ZEB1: variants seen among roughly 807,000 people sequenced by gnomAD.
ZEB1 encodes zinc finger E-box-binding homeobox 1.
A neutral mutation model predicts 84.9 loss-of-function variants in ZEB1; 21 were observed. That is an observed-to-expected ratio of 0.25 (90% CI 0.18 to 0.36). The LOEUF (loss-of-function observed/expected upper bound fraction) is 0.36. ZEB1 is among the 10% of genes least tolerant of loss of function. The probability of loss-of-function intolerance (pLI) is 1.00; values close to 1 mark genes in which losing one functional copy is unlikely to be tolerated. For synonymous variants in ZEB1, 420 were observed against 471.1 expected (o/e 0.89, Z 1.41); for missense variants, 1,104 against 1,330.2 (o/e 0.83, Z 2.65).
intron 1 of ZEB1, among the ~76,000 whole-genome samples, chr10:31,452,742 TGAGAGAGAGAGA>T (rs35403055): frequency 1.1e-4 from 10 of 90,808 alleles, no homozygotes; most frequent in East Asian, 6.8e-4. Context: ...TGTGTGTGTG[TGAGAGAGAGAGA>T]GAGAGAGAGA....
intron 1 of ZEB1, among the ~76,000 whole-genome samples, chr10:31,394,192 G>A (rs1472090844): frequency 6.6e-6 from 1 of 152,172 alleles, no homozygotes; most frequent in Non-Finnish European, 1.5e-5. Flanking sequence ...AGGCAAGGTG[G>A]TGTTTTGAGC....
chr10:31,334,737 T>C (rs1236137743), intron 1 of ZEB1, among the ~76,000 whole-genome samples: 1 of 152,100 alleles, frequency 6.6e-6, no homozygotes, highest in Admixed American at 6.6e-5. Context: ...AATGGGAATG[T>C]TACTACAGGT....
rs2063544767 is a variant in ZEB1, at chr10:31,473,257, G to A, written c.259+12020G>A. On this transcript the variant is annotated intron_variant, in intron 2 of 8. Transcript: ENST00000424869. Reference sequence around the variant, plus strand: ...TAAAGGGTATTCAATTAGGAAAAGAGGAAGTCAAATTGTCCCTGTTTGCAG... The same window carrying A: ...TAAAGGGTATTCAATTAGGAAAAGAAGAAGTCAAATTGTCCCTGTTTGCAG... 2.0e-5 allele frequency among the ~76,000 whole-genome samples: 3 copies of A among 149,904 alleles called. No homozygotes were observed. In the South Asian group the frequency reaches 6.3e-4, roughly 32 times the overall value.
chr10:31,455,512 A>G (rs1170931410), intron 1 of ZEB1, among the ~76,000 whole-genome samples: 1 of 152,230 alleles, frequency 6.6e-6, no homozygotes, highest in African/African-American at 2.4e-5. Flanking sequence ...CAATCTATCC[A>G]TCTGACAAAG....
At chr10:31,392,204 T>C (rs1291676132) in intron 1 of ZEB1, among the ~76,000 whole-genome samples, 1 of 152,196 alleles carries the variant, frequency 6.6e-6, no homozygotes, top group African/African-American at 2.4e-5. Flanking sequence ...AGTATGAGGC[T>C]ATGTGATAAG....
intron 1 of ZEB1, among the ~76,000 whole-genome samples, chr10:31,417,818 T>C (rs1446311280): frequency 6.6e-6 from 1 of 151,998 alleles, no homozygotes; most frequent in East Asian, 1.9e-4. Flanking sequence ...AAATTGAACA[T>C]CTACTATGTT....
At chr10:31,417,393 G>A (rs902716074) in intron 1 of ZEB1, among the ~76,000 whole-genome samples, 1 of 152,126 alleles carries the variant, frequency 6.6e-6, no homozygotes, top group Non-Finnish European at 1.5e-5. Context: ...TTAGGTTGGT[G>A]TAGTCATCTG....
chr10:31,420,987 T>G (rs183219894), intron 1 of ZEB1, among the ~76,000 whole-genome samples: 11 of 152,310 alleles, frequency 7.2e-5, no homozygotes, highest in Admixed American at 7.2e-4. Flanking sequence ...ACCAATTTTC[T>G]TGTTCTAAAA....
At chr10:31,436,746 T>C (rs2058333640) in intron 1 of ZEB1, among the ~76,000 whole-genome samples, 1 of 152,130 alleles carries the variant, frequency 6.6e-6, no homozygotes, top group African/African-American at 2.4e-5. Context: ...TATATATCAG[T>C]AGTAGAAATG....
chr10:31,363,519 G>T, intron 1 of ZEB1: 1 of 1,529,372 alleles, frequency 6.5e-7, no homozygotes, highest in Non-Finnish European at 8.8e-7. Context: ...TGCTACAGGG[G>T]CCCCTTTTAT....
intron 1 of ZEB1, among the ~76,000 whole-genome samples, chr10:31,459,224 A>G (rs1235072802): frequency 3.3e-5 from 5 of 152,148 alleles, no homozygotes; most frequent in Admixed American, 3.3e-4. Flanking sequence ...TGACATAGAA[A>G]GGCTTCCAAG....
chr10:31,518,197 T>G (rs2071539321), intron 6 of ZEB1, among the ~76,000 whole-genome samples: 1 of 152,166 alleles, frequency 6.6e-6, no homozygotes, highest in South Asian at 2.1e-4. Context: ...CTGTTGTATT[T>G]TGAGAATTGA....
At chr10:31,409,115 C>T (rs1030881212) in intron 1 of ZEB1, among the ~76,000 whole-genome samples, 2 of 152,176 alleles carry the variant, frequency 1.3e-5, no homozygotes, top group Admixed American at 1.3e-4. Flanking sequence ...CAAAAGAAGA[C>T]ATTTATGCAG....
At chr10:31,404,001 A>T (rs956692952) in intron 1 of ZEB1, among the ~76,000 whole-genome samples, 7 of 152,120 alleles carry the variant, frequency 4.6e-5, no homozygotes, top group Non-Finnish European at 7.4e-5. Flanking sequence ...TAAACTATGT[A>T]CGTGTTGACT....
chr10:31,445,987 A>C (rs1428637855), intron 1 of ZEB1, among the ~76,000 whole-genome samples: 1 of 132,382 alleles, frequency 7.6e-6, no homozygotes, highest in East Asian at 2.2e-4. Flanking sequence ...TTTCAGAAGG[A>C]ATGGTACCAG....
Position 31,520,078 on chromosome 10 carries a change from T to G in ZEB1, c.794-48T>G. The G allele has an allele frequency of 6.3e-7, 1 of 1,596,222 alleles. No homozygotes were observed. The highest frequency in any genetic ancestry group is 8.5e-7 in the Non-Finnish European group (1 of 1,173,280). ...TAGGGAAATGAGGATACATAAAAAT[T>G]TATATGTAATAATTCAGTGAATATA... On this transcript the variant is annotated intron_variant, in intron 6 of 8. Transcript: ENST00000424869. This position sits in a 1 kb window ranked among gnomAD's most constrained non-coding sequence, Gnocchi z 5.1.
At chr10:31,347,453 C>G (rs2040509250) in intron 1 of ZEB1, among the ~76,000 whole-genome samples, 2 of 152,078 alleles carry the variant, frequency 1.3e-5, no homozygotes, top group African/African-American at 4.8e-5. Flanking sequence ...TCAAGTGATC[C>G]TCCTGTTTGG....
intron 1 of ZEB1, among the ~76,000 whole-genome samples, chr10:31,400,005 G>A (rs1437937159): frequency 6.6e-6 from 1 of 152,146 alleles, no homozygotes; most frequent in African/African-American, 2.4e-5. Flanking sequence ...GTACTTAAAT[G>A]TCAATTTAAT....
chr10:31,485,247 T>C (rs1226127271), intron 2 of ZEB1, among the ~76,000 whole-genome samples: 1 of 151,872 alleles, frequency 6.6e-6, no homozygotes, highest in Non-Finnish European at 1.5e-5. Flanking sequence ...TCCCTAATAA[T>C]GGCCATTTGC....
Sources: gnomAD v4.1 joint callset for allele counts (sites outside exome capture counted in the v4.1 genomes callset) on GRCh38, gnomAD v4.1.1 for gene constraint, Gnocchi (gnomAD v3.1) non-coding constraint, MANE v1.5 for transcripts, NCBI Gene and HGNC (gene_info 2026-07-23, HGNC 2026-07-21) for gene names.